The following CDC42SE2 variants were observed in gnomAD, a reference collection of about 807,000 sequenced individuals.
CDC42SE2 encodes the protein CDC42 small effector 2.
In CDC42SE2, 3 loss-of-function variants were observed where a neutral mutation model predicts 11.5. The ratio of observed to expected loss-of-function variants is 0.26; its 90% CI spans 0.12 to 0.67. CDC42SE2 has a LOEUF of 0.67. Ranked by LOEUF, CDC42SE2 falls within the 30% of genes least tolerant of loss-of-function variation. The pLI, the probability that CDC42SE2 is intolerant of heterozygous loss-of-function variation, is 0.80. For synonymous variants in CDC42SE2, 33 were observed against 34.8 expected, an observed-to-expected ratio of 0.95 and a Z score of 0.18; for missense variants, 82 against 106.8, an observed-to-expected ratio of 0.77 and a Z score of 1.02.
the CDC42SE2 span, among the ~76,000 whole-genome samples, chr5:131,214,472 A>G: frequency 9.8e-5 from 15 of 152,332 alleles, no homozygotes; most frequent in East Asian, 1.5e-3. Context: ...GCTTCCTGCC[A>G]CAAACTGCTC....
chr5:131,249,007 G>C (rs1465617635), intron 1 of CDC42SE2, among the ~76,000 whole-genome samples: 4 of 139,460 alleles, frequency 2.9e-5, no homozygotes, highest in Non-Finnish European at 6.1e-5. Flanking sequence ...GAATAGCCAG[G>C]TTACATCTTT....
chr5:131,284,795 A>T (rs1757307628), intron 1 of CDC42SE2, among the ~76,000 whole-genome samples: 2 of 152,060 alleles, frequency 1.3e-5, no homozygotes, highest in South Asian at 4.1e-4. Flanking sequence ...ATGTTTCTAT[A>T]TTTTCCACAC....
chr5:131,293,130 C>G (rs371283664), intron 1 of CDC42SE2, among the ~76,000 whole-genome samples: 2 of 152,034 alleles, frequency 1.3e-5, no homozygotes, highest in African/African-American at 4.8e-5. Context: ...AATTCTAACC[C>G]GCAACGTGAT....
At chr5:131,230,202 T>G in the CDC42SE2 span, among the ~76,000 whole-genome samples, 3 of 152,184 alleles carry the variant, frequency 2.0e-5, no homozygotes, top group African/African-American at 7.2e-5. Context: ...GGGCTTGTCC[T>G]ATTGCTGAAT....
At chr5:131,293,573 A>G (rs1173068663) in intron 1 of CDC42SE2, among the ~76,000 whole-genome samples, 2 of 25,384 alleles carry the variant, frequency 7.9e-5, no homozygotes, top group African/African-American at 1.1e-4. Context: ...ACTCCGTCTC[A>G]AAAAAAAAAA....
intron 1 of CDC42SE2, among the ~76,000 whole-genome samples, chr5:131,289,531 G>T (rs982211392): frequency 2.6e-5 from 4 of 152,038 alleles, no homozygotes; most frequent in African/African-American, 7.2e-5. Flanking sequence ...AAATTAGCTG[G>T]GCGTGGTGGC....
rs71000990 is a variant in CDC42SE2 at position 131,393,817 on chromosome 5, GTTTTTTT to G, written c.*2746_*2752del. ...GATTTTAGTCTTTTTCCAAATCGCTGTTTTTTTTTTTTTTTTTTTTTTTTTTGCTGCT... is the reference window on the plus strand; with the variant it reads ...GATTTTAGTCTTTTTCCAAATCGCTGTTTTTTTTTTTTTTTTTTTGCTGCT... On this transcript the variant is annotated 3_prime_UTR_variant, in exon 5 of 5. Coordinates refer to ENST00000505065, the MANE Select transcript of CDC42SE2 (RefSeq NM_001375635.1). The G allele has an allele frequency of 8.4e-6, 1 of 118,706 alleles. No homozygotes were observed. Among genetic ancestry groups the G allele is most frequent in the Admixed American group, 8.3e-5 (1 of 12,020 alleles). The allele number at this position is 118,706 out of a possible 1,614,324, so 7.4% of individuals were successfully genotyped here.
chr5:131,310,818 A>G (rs997884705), intron 1 of CDC42SE2, among the ~76,000 whole-genome samples: 19 of 151,556 alleles, frequency 1.3e-4, no homozygotes, highest in African/African-American at 4.4e-4. Context: ...CCATCCTTTT[A>G]TTTTGAGCGT....
At chr5:131,290,553 A>C (rs1281692069) in intron 1 of CDC42SE2, among the ~76,000 whole-genome samples, 1 of 148,004 alleles carries the variant, frequency 6.8e-6, no homozygotes, top group East Asian at 2.0e-4. Flanking sequence ...CGCGGGGTCA[A>C]TGGCAGCCTC....
At chr5:131,232,123 T>A in the CDC42SE2 span, among the ~76,000 whole-genome samples, 1 of 151,878 alleles carries the variant, frequency 6.6e-6, no homozygotes, top group African/African-American at 2.4e-5. Flanking sequence ...CTATTTTTTT[T>A]TTCTTTTGAG....
chr5:131,312,677 T>C (rs1197921365), intron 1 of CDC42SE2, among the ~76,000 whole-genome samples: 1 of 152,086 alleles, frequency 6.6e-6, no homozygotes, highest in African/African-American at 2.4e-5. Context: ...AAAAGCACAG[T>C]ATTTGGGTGG....
chr5:131,334,445 C>T (rs1441269011), intron 2 of CDC42SE2, among the ~76,000 whole-genome samples: 1 of 152,098 alleles, frequency 6.6e-6, no homozygotes, highest in African/African-American at 2.4e-5. Flanking sequence ...TGTGTCTCTG[C>T]CCGGCTTTGG....
At chr5:131,321,740 C>T (rs1758194469) in intron 2 of CDC42SE2, among the ~76,000 whole-genome samples, 1 of 151,716 alleles carries the variant, frequency 6.6e-6, no homozygotes, top group Non-Finnish European at 1.5e-5. Context: ...AATCATCAAG[C>T]GTCGTACTGG....
chr5:131,231,960 T>G, the CDC42SE2 span, among the ~76,000 whole-genome samples: 1 of 152,012 alleles, frequency 6.6e-6, no homozygotes, highest in Non-Finnish European at 1.5e-5. Context: ...CCTGGCTAAC[T>G]TGTATTTTTA....
At chr5:131,248,148 A>T (rs1410575608) in intron 1 of CDC42SE2, among the ~76,000 whole-genome samples, 84 of 149,910 alleles carry the variant, frequency 5.6e-4, no homozygotes, top group African/African-American at 2.0e-3. Context: ...TTTTTTTATT[A>T]TTATTTTTTG....
chr5:131,215,512 T>C, the CDC42SE2 span, among the ~76,000 whole-genome samples: 1 of 152,222 alleles, frequency 6.6e-6, no homozygotes, highest in Non-Finnish European at 1.5e-5. Context: ...TTCTTCACTA[T>C]TGCTGCAGTC....
At chr5:131,357,678 C>G (rs755573513) in intron 2 of CDC42SE2, among the ~76,000 whole-genome samples, 1 of 152,136 alleles carries the variant, frequency 6.6e-6, no homozygotes, top group Non-Finnish European at 1.5e-5. Context: ...ATTGATACAT[C>G]TTTAGTCTTT....
chr5:131,349,207 A>G (rs1351196650), intron 2 of CDC42SE2, among the ~76,000 whole-genome samples: 1 of 152,146 alleles, frequency 6.6e-6, no homozygotes, highest in Non-Finnish European at 1.5e-5. Context: ...ACATGGATGA[A>G]GCTGGAAACC....
chr5:131,322,934 A>G (rs546878057), intron 2 of CDC42SE2, among the ~76,000 whole-genome samples: 29 of 152,258 alleles, frequency 1.9e-4, no homozygotes, highest in African/African-American at 5.3e-4. Context: ...CTTCACATCC[A>G]TGTCAGCATT....
Sources: allele counts gnomAD v4.1 joint callset (sites outside exome capture counted in the v4.1 genomes callset), GRCh38; gene constraint gnomAD v4.1.1; transcripts MANE v1.5; gene names NCBI Gene and HGNC (gene_info 2026-07-23, HGNC 2026-07-21).